DNAJA4: variants seen among roughly 807,000 people sequenced by gnomAD.
DNAJA4 encodes the protein DnaJ heat shock protein family (Hsp40) member A4.
A neutral mutation model predicts 39.7 loss-of-function variants in DNAJA4; 32 were observed. The ratio of observed to expected loss-of-function variants is 0.81; its 90% CI spans 0.61 to 1.08. The LOEUF (loss-of-function observed/expected upper bound fraction) is 1.08. Among genes scored for constraint, DNAJA4 ranks in the 50% least tolerant of loss-of-function variants. The probability of loss-of-function intolerance (pLI) is 0.00; values close to 1 mark genes in which losing one functional copy is unlikely to be tolerated. For synonymous variants in DNAJA4, 184 were observed against 182.4 expected (o/e 1.01, Z -0.07); for missense variants, 439 against 505.1 (o/e 0.87, Z 1.25).
In DNAJA4 at chr15:78,264,630, CG is replaced by C; in HGVS notation, c.-132del. On this transcript the variant is annotated 5_prime_UTR_variant, in exon 1 of 7. Transcript: ENST00000394852. ...GGGGGCGGGCGGGAGCTACAAGCGG[CG>C]GCGGCGGCGGCGACCGTGACCGTGA... 3 of 1,017,878 alleles carry C rather than the reference CG, an allele frequency of 2.9e-6. No homozygotes were observed. Among genetic ancestry groups the C allele is most frequent in the Non-Finnish European group, 3.5e-6 (3 of 851,864 alleles). The allele number at this position is 1,017,878 out of a possible 1,614,324, so 63.1% of individuals were successfully genotyped here.
chr15:78,276,786 C>T (rs2049475453), intron 5 of DNAJA4, among the ~76,000 whole-genome samples: 1 of 152,208 alleles, frequency 6.6e-6, no homozygotes, highest in South Asian at 2.1e-4. Context: ...GAGGTAACCA[C>T]CAATAAGCCT....
At chr15:78,277,095 G>GC (rs1203872425) in intron 5 of DNAJA4, among the ~76,000 whole-genome samples, 2 of 152,134 alleles carry the variant, frequency 1.3e-5, no homozygotes, top group African/African-American at 4.8e-5. Flanking sequence ...ATAGTCCGAG[G>GC]CCCATCCATA....
chr15:78,280,214 C>T (rs377049810), intron 6 of DNAJA4, 31 bp from the exon 7 acceptor site: 2,319 of 1,609,272 alleles, frequency 1.4e-3, no homozygotes, highest in Non-Finnish European at 1.7e-3. Context: ...GAAAAAACAG[C>T]CACCTTTCTT....
chr15:78,278,380 G>T (rs2141466567), intron 5 of DNAJA4: 3 of 438,530 alleles, frequency 6.8e-6, no homozygotes, highest in South Asian at 4.8e-5. Flanking sequence ...TGCATTGTTT[G>T]GCGATGTCGT....
At chr15:78,275,802 T>A in intron 5 of DNAJA4, 74 bp downstream of exon 5, 1 of 1,014,728 alleles carries the variant, frequency 9.9e-7, no homozygotes, top group Non-Finnish European at 1.4e-6. Context: ...TAGCCTGATT[T>A]TTTTATTGCT....
intron 2 of DNAJA4, among the ~76,000 whole-genome samples, chr15:78,272,154 G>T (rs1261734846): frequency 6.6e-6 from 1 of 152,110 alleles, no homozygotes; most frequent in African/African-American, 2.4e-5. Context: ...GGCTAACATG[G>T]TGAAACCCCG....
chr15:78,276,424 A>G (rs184318456), intron 5 of DNAJA4, among the ~76,000 whole-genome samples: 1 of 152,294 alleles, frequency 6.6e-6, no homozygotes, highest in African/African-American at 2.4e-5. Flanking sequence ...CTCAGCCCCC[A>G]ACCCCCCTGT....
rs1373980585 is a variant in DNAJA4, at chr15:78,279,907, G to C, written c.878-138G>C. 1 of 732,942 alleles carries C rather than the reference G, an allele frequency of 1.4e-6. No individual in the cohort carries two copies. Among genetic ancestry groups the C allele is most frequent in the African/African-American group, 1.8e-5 (1 of 56,768 alleles). 45.4% of individuals were successfully genotyped at this position (732,942 alleles called of 1,614,324 possible). ...ACAAGGATACCTGGGATTGGGGCCAGCTTTCCAGTCAGATGCCACGTTTCC... is the reference window on the plus strand; with the variant it reads ...ACAAGGATACCTGGGATTGGGGCCACCTTTCCAGTCAGATGCCACGTTTCC... On this transcript the variant is annotated intron_variant, in intron 5 of 6. Coordinates refer to ENST00000394852, the MANE Select transcript of DNAJA4 (RefSeq NM_001130182.2). The surrounding 1 kb of genome is among the most constrained non-coding windows in gnomAD (Gnocchi z 4.5).
chr15:78,279,196 G>A lies in DNAJA4; in HGVS notation c.878-849G>A, dbSNP rs2049577397. The A allele has an allele frequency of 6.6e-6, 1 of 152,116 alleles. No homozygotes were observed. The highest frequency in any genetic ancestry group is 2.4e-5 in the African/African-American group (1 of 41,404). 9.4% of individuals were successfully genotyped at this position (152,116 alleles called of 1,614,324 possible). A position where few individuals can be genotyped will look rare whatever the true frequency, so the allele number is the denominator to read the frequency against. On this transcript the variant is annotated intron_variant, in intron 5 of 6. Coordinates refer to ENST00000394852, the MANE Select transcript of DNAJA4 (RefSeq NM_001130182.2). The surrounding 1 kb of genome is among the most constrained non-coding windows in gnomAD (Gnocchi z 4.5). ...GAAGAGACAGCTCACTTTCTACATA[G>A]TCCCGTATGGAAGTGGACTGCTGAA...
intron 1 of DNAJA4, chr15:78,266,060 C>T (rs1237292160): frequency 3.3e-6 from 2 of 608,764 alleles, no homozygotes; most frequent in African/African-American, 1.9e-5. Context: ...CTGTTACTCA[C>T]TTGCGTTCTT....
chr15:78,277,097 C>T (rs1011771006), intron 5 of DNAJA4, among the ~76,000 whole-genome samples: 1 of 152,176 alleles, frequency 6.6e-6, no homozygotes, highest in Non-Finnish European at 1.5e-5. Flanking sequence ...AGTCCGAGGC[C>T]CATCCATATA....
rs890169392 is a variant in DNAJA4, at chr15:78,279,927, G to T, written c.878-118G>T. On this transcript the variant is annotated intron_variant, in intron 5 of 6. Coordinates refer to ENST00000394852, the MANE Select transcript of DNAJA4 (RefSeq NM_001130182.2). The surrounding 1 kb of genome is among the most constrained non-coding windows in gnomAD (Gnocchi z 4.5). Reference sequence around the variant, plus strand: ...GGCCAGCTTTCCAGTCAGATGCCACGTTTCCTTTGCCCACTGCCACGGGGC... The same window carrying T: ...GGCCAGCTTTCCAGTCAGATGCCACTTTTCCTTTGCCCACTGCCACGGGGC... 1.5e-5 allele frequency: 13 copies of T among 886,726 alleles called. No individual in the cohort carries two copies. The East Asian group carries it at 2.0e-4, about 14-fold the overall frequency. 54.9% of individuals were successfully genotyped at this position (886,726 alleles called of 1,614,324 possible).
intron 1 of DNAJA4, among the ~76,000 whole-genome samples, chr15:78,269,612 A>T (rs1346515314): frequency 6.6e-6 from 1 of 152,218 alleles, no homozygotes; most frequent in Non-Finnish European, 1.5e-5. Context: ...ATCCTTGTAC[A>T]TAACCATAGT....
chr15:78,275,815 A>T (rs569472097), intron 5 of DNAJA4, 87 bp downstream of exon 5: 33 of 926,460 alleles, frequency 3.6e-5, no homozygotes, highest in Non-Finnish European at 5.2e-5. Context: ...TTATTGCTAC[A>T]TAATATTTTA....
At chr15:78,267,200 A>AG (rs1567115160) in intron 1 of DNAJA4, among the ~76,000 whole-genome samples, 1 of 138,176 alleles carries the variant, frequency 7.2e-6, no homozygotes, top group Non-Finnish European at 1.5e-5. Context: ...GTGAGTGTGT[A>AG]TGTGAGTGTG....
In DNAJA4 at chr15:78,279,959, G is replaced by GC; in HGVS notation, c.878-84dup. On this transcript the variant is annotated intron_variant, in intron 5 of 6. Transcript: ENST00000394852. This position sits in a 1 kb window ranked among gnomAD's most constrained non-coding sequence, Gnocchi z 4.5. ...TTGCCCACTGCCACGGGGCACTAGG[G>GC]CCTGCCGCAGGCTCTCCCATGAGGG... The GC allele has an allele frequency of 7.5e-7, 1 of 1,325,836 alleles. No individual in the cohort carries two copies. The highest frequency in any genetic ancestry group is 2.3e-5 in the East Asian group (1 of 43,430). The allele number at this position is 1,325,836 out of a possible 1,614,324, so 82.1% of individuals were successfully genotyped here. A position where few individuals can be genotyped will look rare whatever the true frequency, so the allele number is the denominator to read the frequency against.
chr15:78,277,843 C>T (rs1000394290), intron 5 of DNAJA4: 33 of 350,038 alleles, frequency 9.4e-5, no homozygotes, highest in African/African-American at 6.8e-4. Flanking sequence ...AATCCATTTC[C>T]TTCTTTATTA....
At chr15:78,278,653 G>C (rs1240445228) in intron 5 of DNAJA4, among the ~76,000 whole-genome samples, 1 of 151,470 alleles carries the variant, frequency 6.6e-6, no homozygotes, top group Admixed American at 6.6e-5. Context: ...GTGCATGACT[G>C]TATTTCTTTT....
intron 4 of DNAJA4, 39 bp downstream of exon 4, chr15:78,274,463 A>G (rs749117797): frequency 6.3e-7 from 1 of 1,584,300 alleles, no homozygotes; most frequent in Non-Finnish European, 8.7e-7. Context: ...ACGGGCTGGA[A>G]ATGCTGTCTG....
Sources: allele counts gnomAD v4.1 joint callset (sites outside exome capture counted in the v4.1 genomes callset), GRCh38; gene constraint gnomAD v4.1.1; non-coding constraint Gnocchi (gnomAD v3.1); transcripts MANE v1.5; gene names NCBI Gene and HGNC (gene_info 2026-07-23, HGNC 2026-07-21).